APOO: variants seen among roughly 807,000 people sequenced by gnomAD.
APOO encodes apolipoprotein O, also known as MICOS complex subunit MIC26.
In APOO, 11 loss-of-function variants were observed where a neutral mutation model predicts 23.1. The observed-to-expected ratio is 0.48, with a 90% CI of 0.30 to 0.79. APOO has a LOEUF of 0.79. Ranked by LOEUF, APOO falls within the 30% of genes least tolerant of loss-of-function variation. The pLI is 0.07. For synonymous variants in APOO, 59 were observed against 54.8 expected (o/e 1.08, Z -0.34); for missense variants, 160 against 142.7 (o/e 1.12, Z -0.62).
intron 4 of APOO, among the ~76,000 whole-genome samples, chrX:23,870,564 T>C (rs769761412): frequency 8.3e-5 from 9 of 108,580 alleles, no homozygotes; most frequent in South Asian, 4.0e-4. Context: ...GGTGGGAGGA[T>C]TGCTTGAGTC....
rs1030700096 is a variant in APOO, at chrX:23,868,619, C to G, written c.362G>C (p.Gly121Ala). The G allele has an allele frequency of 4.1e-6, 5 of 1,205,870 alleles. No homozygotes were observed. Among genetic ancestry groups the G allele is most frequent in the Middle Eastern group, 2.9e-4 (1 of 3,463 alleles). Residue 121 changes from glycine (G) to alanine (A), a missense_variant, in exon 5 of 9, where the codon GGC (glycine) becomes GCC (alanine). Gly to Ala is a moderately conservative substitution (Grantham distance 60). Coordinates refer to ENST00000379226, the MANE Select transcript of APOO (RefSeq NM_024122.5). ...FPRLGVIGFA[G>A]LIGLLLARGS... is the part of the protein sequence containing the mutation. ...TCTAGCCAAAAGGAGTCCAATAAGG[C>G]CAGCAAAACCAATAACACCAAGTCT...
intron 3 of APOO, among the ~76,000 whole-genome samples, chrX:23,878,007 T>C (rs1312870373): frequency 1.8e-5 from 2 of 111,954 alleles, no homozygotes; most frequent in Non-Finnish European, 3.8e-5. Context: ...GACAAATGCC[T>C]GACCTAAAAC....
intron 7 of APOO, chrX:23,840,711 T>C (rs764174263): frequency 7.1e-5 from 11 of 154,469 alleles, no homozygotes; most frequent in Non-Finnish European, 1.1e-4. Flanking sequence ...ATCCTCATTA[T>C]GCAGATTCAG....
At chrX:23,881,947 C>CAAAAAAAAA (rs56820853) in intron 1 of APOO, among the ~76,000 whole-genome samples, 3 of 31,812 alleles carry the variant, frequency 9.4e-5, no homozygotes, top group African/African-American at 4.1e-4. Flanking sequence ...GACTCCACCT[C>CAAAAAAAAA]AAAAAAAAAA....
intron 1 of APOO, among the ~76,000 whole-genome samples, chrX:23,904,734 C>G (rs1307211230): frequency 9.1e-6 from 1 of 110,422 alleles, no homozygotes; most frequent in Non-Finnish European, 1.9e-5. Context: ...TCTCGATCTC[C>G]TGACCTCGTG....
rs866052403 is a variant in APOO, at chrX:23,874,408, C to A, written c.287G>T (p.Gly96Val). 1 of 1,208,693 alleles carries A rather than the reference C, an allele frequency of 8.3e-7. No individual in the cohort carries two copies. Among genetic ancestry groups the A allele is most frequent in the East Asian group, 3.0e-5 (1 of 33,792 alleles). ...KPKMQSLVQW[G>V]LDSYDYLQNA... ...CTAATTTAAAATCAACTTACCTAAC[C>A]CCCATTGAACCAAACTTTGCATCTT... Residue 96 changes from glycine to valine, a missense_variant, in exon 4 of 9, where the codon GGG (glycine) becomes GTG (valine). Transcript: ENST00000379226.
chrX:23,856,185 G>T, intron 7 of APOO, 117 bp downstream of exon 7: 2 of 760,895 alleles, frequency 2.6e-6, no homozygotes, highest in Non-Finnish European at 3.9e-6. Context: ...GCTGGAGACA[G>T]AACTAGAAGC....
At chrX:23,886,826 C>T (rs1926386523) in intron 1 of APOO, among the ~76,000 whole-genome samples, 2 of 111,711 alleles carry the variant, frequency 1.8e-5, no homozygotes, top group African/African-American at 6.5e-5. Flanking sequence ...ACACTGTGTG[C>T]CTGCCAGGTG....
chrX:23,874,210 A>G (rs1195932483), intron 4 of APOO, among the ~76,000 whole-genome samples, 193 bp downstream of exon 4: 1 of 111,527 alleles, frequency 9.0e-6, no homozygotes, highest in Non-Finnish European at 1.9e-5. Context: ...TTACCTGACT[A>G]TTTGGGGACA....
chrX:23,901,049 A>G (rs1927112255), intron 1 of APOO, among the ~76,000 whole-genome samples: 1 of 112,286 alleles, frequency 8.9e-6, no homozygotes, highest in African/African-American at 3.2e-5. Context: ...TTTTCCATTT[A>G]GCATTGTAAT....
At position 23,907,921 on chromosome X, in the gene APOO, C is replaced by G; in HGVS notation, c.-219G>C. ...TGAGCCGCAGCGCGTCGCGCCCGGG[C>G]AGCGGGTGAACGCAAACCCCGCCCT... On this transcript the variant is annotated 5_prime_UTR_variant, in exon 1 of 9. Transcript: ENST00000379226. 2 of 386,228 alleles carry G rather than the reference C, an allele frequency of 5.2e-6. No homozygotes were observed. Among genetic ancestry groups the G allele is most frequent in the Non-Finnish European group, 8.5e-6 (2 of 235,167 alleles). The allele number at this position is 386,228 out of a possible 1,213,427, so 31.8% of individuals were successfully genotyped here.
chrX:23,852,983 C>T (rs1326273826), intron 7 of APOO, among the ~76,000 whole-genome samples: 1 of 110,306 alleles, frequency 9.1e-6, no homozygotes, highest in African/African-American at 3.3e-5. Context: ...CAAGGCCGGG[C>T]GTGGTGGCTC....
chrX:23,841,141 A>C (rs1337321638), intron 7 of APOO, among the ~76,000 whole-genome samples: 2 of 111,738 alleles, frequency 1.8e-5, no homozygotes, highest in Non-Finnish European at 3.8e-5. Flanking sequence ...TGTTGTATAG[A>C]CTTGGAGCAG....
intron 5 of APOO, among the ~76,000 whole-genome samples, chrX:23,866,778 G>C (rs943552164): frequency 7.4e-5 from 8 of 108,641 alleles, no homozygotes; most frequent in African/African-American, 2.7e-4. Flanking sequence ...GACAGAGTGA[G>C]ACCCTGTCTC....
At chrX:23,895,205 G>A (rs1038080988) in intron 1 of APOO, among the ~76,000 whole-genome samples, 2 of 111,073 alleles carry the variant, frequency 1.8e-5, no homozygotes, top group Non-Finnish European at 3.8e-5. Context: ...GCATCTGTAC[G>A]CCTATGTTTA....
intron 8 of APOO, chrX:23,837,413 A>G: frequency 1.8e-6 from 1 of 562,714 alleles, no homozygotes; most frequent in South Asian, 2.9e-5. Context: ...CTGTGCAGCT[A>G]CTCAGAAGGG....
chrX:23,893,939 G>GT (rs2147042411), intron 1 of APOO, among the ~76,000 whole-genome samples: 1 of 110,465 alleles, frequency 9.1e-6, no homozygotes, highest in East Asian at 2.8e-4. Context: ...AAAGGGGGCT[G>GT]GGGGGAGGTG....
At position 23,867,897 on chromosome X, in the gene APOO, A is replaced by C. The variant is rs189630235; in HGVS notation, c.388+696T>G. Among the ~76,000 whole-genome samples the C allele has an allele frequency of 2.0e-3, 227 of 112,188 alleles. 1 individual carries two copies. Among genetic ancestry groups the C allele is most frequent in the Middle Eastern group, 0.014 (3 of 219 alleles). ...ATATTCCTTTATAGCAATGCAAAAC[A>C]AACTAATACAGGGACCAGAGTAGTC... On this transcript the variant is annotated intron_variant, in intron 5 of 8. Coordinates refer to ENST00000379226, the MANE Select transcript of APOO (RefSeq NM_024122.5).
intron 7 of APOO, among the ~76,000 whole-genome samples, chrX:23,844,956 C>T (rs1394920407): frequency 2.7e-5 from 3 of 111,761 alleles, no homozygotes; most frequent in Admixed American, 9.6e-5. Context: ...ATATGTTCCT[C>T]ACATGAGATA....
Sources: gnomAD v4.1 joint callset for allele counts (sites outside exome capture counted in the v4.1 genomes callset) on GRCh38, gnomAD v4.1.1 for gene constraint, MANE v1.5 for transcripts, NCBI Gene and HGNC (gene_info 2026-07-23, HGNC 2026-07-21) for gene names.